Variants in INVS observed in about 807,000 individuals in gnomAD.
INVS encodes inversin.
Under a neutral mutation model 108.8 loss-of-function variants are expected in INVS, and 86 were observed. The ratio of observed to expected loss-of-function variants is 0.79; its 90% CI spans 0.66 to 0.95. INVS has a LOEUF of 0.95. Ranked by LOEUF, INVS falls within the 40% of genes least tolerant of loss-of-function variation. The probability of loss-of-function intolerance (pLI) is 0.00; values close to 1 mark genes in which losing one functional copy is unlikely to be tolerated. For synonymous variants in INVS, 455 were observed against 473.5 expected (o/e 0.96, Z 0.51); for missense variants, 1,169 against 1,297.4 (o/e 0.90, Z 1.52).
chr9:100,258,573 T>C (rs1401273487), intron 10 of INVS, among the ~76,000 whole-genome samples: 1 of 152,214 alleles, frequency 6.6e-6, no homozygotes, highest in Non-Finnish European at 1.5e-5. Flanking sequence ...TCTTTGATGA[T>C]GGTGATGTAC....
rs1263566009 is a variant in INVS at position 100,301,041 on chromosome 9, GCTT to G, written c.*371_*373del. 2 of 301,736 alleles carry G rather than the reference GCTT, an allele frequency of 6.6e-6. No homozygotes were observed. Among genetic ancestry groups the G allele is most frequent in the African/African-American group, 4.4e-5 (2 of 45,786 alleles). The allele number at this position is 301,736 out of a possible 1,614,324, so 18.7% of individuals were successfully genotyped here. A position where few individuals can be genotyped will look rare whatever the true frequency, so the allele number is the denominator to read the frequency against. ...GATTTCTGCCAGCTAGCTGGTACTG[GCTT>G]CTTGTTTCAAGAGATGAACCTAAAT... On this transcript the variant is annotated 3_prime_UTR_variant, in exon 17 of 17. Transcript: ENST00000262457.
At chr9:100,224,744 T>C (rs748296649) in intron 3 of INVS, among the ~76,000 whole-genome samples, 1 of 151,620 alleles carries the variant, frequency 6.6e-6, no homozygotes, top group Non-Finnish European at 1.5e-5. Context: ...GCCTCCCGAG[T>C]AACTGGGATT....
At chr9:100,242,767 A>ATTTCC in intron 7 of INVS, 88 bp downstream of exon 7, 2 of 790,420 alleles carry the variant, frequency 2.5e-6, no homozygotes, top group Non-Finnish European at 4.5e-6. Flanking sequence ...GTAGGAAATA[A>ATTTCC]TACAACAAGA....
At chr9:100,175,338 A>G (rs955286199) in intron 3 of INVS, 9 of 740,654 alleles carry the variant, frequency 1.2e-5, no homozygotes, top group African/African-American at 6.9e-5. Context: ...GGACAGCTCT[A>G]ATTCTTTCAC....
intron 6 of INVS, among the ~76,000 whole-genome samples, chr9:100,241,871 A>G (rs189063753): frequency 6.6e-6 from 1 of 152,320 alleles, no homozygotes; most frequent in East Asian, 1.9e-4. Flanking sequence ...AATAGAGTGT[A>G]TGAAATTTCA....
At chr9:100,185,972 A>G (rs1220833191) in intron 3 of INVS, among the ~76,000 whole-genome samples, 1 of 152,114 alleles carries the variant, frequency 6.6e-6, no homozygotes, top group African/African-American at 2.4e-5. Context: ...GGTTGATTCC[A>G]TATCTTTGCA....
Position 100,173,654 on chromosome 9 carries a change from G to A in INVS, c.273+47105G>A, listed in dbSNP as rs535760572. On this transcript the variant is annotated intron_variant, in intron 3 of 16. Transcript: ENST00000262457. ...TGAGACAGGAGAATCGCTTGAACCC[G>A]GGAGGCAGAGGTTGCGGTGAGCCAA... Among the ~76,000 whole-genome samples, 252 of 152,266 alleles carry A rather than the reference G, an allele frequency of 1.7e-3. 1 individual carries two copies. The highest frequency in any genetic ancestry group is 5.6e-3 in the African/African-American group (234 of 41,564).
intron 1 of INVS, among the ~76,000 whole-genome samples, chr9:100,103,027 A>G (rs1396151776): frequency 2.4e-4 from 36 of 151,992 alleles, no homozygotes; most frequent in Admixed American, 2.4e-3. Context: ...TAATTTTTGT[A>G]TTTTTAGTAG....
chr9:100,224,948 C>G (rs1831265508), intron 3 of INVS, among the ~76,000 whole-genome samples: 1 of 151,892 alleles, frequency 6.6e-6, no homozygotes, highest in Admixed American at 6.6e-5. Context: ...TTCTACCAGA[C>G]TGGAGGATTT....
intron 14 of INVS, among the ~76,000 whole-genome samples, chr9:100,295,311 C>A (rs551974225): frequency 6.6e-6 from 1 of 152,276 alleles, no homozygotes; most frequent in African/African-American, 2.4e-5. Context: ...TGCCCACCTG[C>A]GTAGGTAACT....
intron 7 of INVS, among the ~76,000 whole-genome samples, chr9:100,242,945 G>T (rs184756633): frequency 6.6e-6 from 1 of 151,966 alleles, no homozygotes; most frequent in African/African-American, 2.4e-5. Context: ...ATTCAGCTTT[G>T]CCCAGATTTA....
At chr9:100,198,355 C>T (rs1475635695) in intron 3 of INVS, among the ~76,000 whole-genome samples, 3 of 128,042 alleles carry the variant, frequency 2.3e-5, no homozygotes, top group Admixed American at 9.2e-5. Context: ...TGGAGTGCAA[C>T]GGTGCGATCT....
At chr9:100,099,655 G>A (rs1165267557) in intron 1 of INVS, among the ~76,000 whole-genome samples, 1 of 152,240 alleles carries the variant, frequency 6.6e-6, no homozygotes, top group Admixed American at 6.5e-5. Flanking sequence ...GAGGGCTCCT[G>A]TAAGGAGTAG....
chr9:100,292,701 G>A lies in INVS; in HGVS notation c.2444G>A (p.Arg815Gln), dbSNP rs200477298. ...GGTTCTAGCCGCCCTGGCAGTGCCC[G>A]GGGGGAGGCGGTCCATGCTGGGCAG... ...PAGSSRPGSA[R>Q]GEAVHAGQNP... The change falls in exon 14 of 17, where the codon CGG becomes CAG. Residue 815 changes from arginine to glutamine, a missense_variant. Coordinates refer to ENST00000262457, the MANE Select transcript of INVS (RefSeq NM_014425.5). 7.8e-5 allele frequency: 125 copies of A among 1,612,584 alleles called. No homozygotes were observed. The highest frequency in any genetic ancestry group is 1.1e-4 in the East Asian group (5 of 44,874).
intron 5 of INVS, among the ~76,000 whole-genome samples, chr9:100,239,304 A>G (rs529211455): frequency 2.6e-5 from 4 of 152,238 alleles, no homozygotes; most frequent in Non-Finnish European, 4.4e-5. Context: ...TAATTGAACT[A>G]TTACCAACAT....
intron 3 of INVS, among the ~76,000 whole-genome samples, chr9:100,197,882 G>C (rs1365790178): frequency 1.3e-5 from 2 of 152,134 alleles, no homozygotes; most frequent in African/African-American, 4.8e-5. Context: ...TAGTTTCTAA[G>C]GGCCTGCCTT....
Position 100,301,955 on chromosome 9 carries a change from T to C in INVS, c.*1281T>C, listed in dbSNP as rs1483732732. ...CTATTTTGTAAATATTTAGCTCCTATGAAATGCACAATGCACAACCGCCTA... is the reference window on the plus strand; with the variant it reads ...CTATTTTGTAAATATTTAGCTCCTACGAAATGCACAATGCACAACCGCCTA... On this transcript the variant is annotated 3_prime_UTR_variant, in exon 17 of 17. Transcript: ENST00000262457. 2.3e-5 allele frequency: 8 copies of C among 355,460 alleles called. No homozygotes were observed. Among genetic ancestry groups the C allele is most frequent in the Admixed American group, 8.7e-5 (2 of 22,872 alleles). 22.0% of individuals were successfully genotyped at this position (355,460 alleles called of 1,614,324 possible). A position where few individuals can be genotyped will look rare whatever the true frequency, so the allele number is the denominator to read the frequency against.
At chr9:100,175,973 C>T in intron 3 of INVS, 1 of 559,608 alleles carries the variant, frequency 1.8e-6, no homozygotes, top group Non-Finnish European at 3.5e-6. Context: ...TGGAATACAG[C>T]AGACCACTAG....
At chr9:100,175,962 A>G (rs977069594) in intron 3 of INVS, 21 of 565,164 alleles carry the variant, frequency 3.7e-5, no homozygotes, top group East Asian at 1.3e-4. Context: ...GAAAGCTACA[A>G]TGGAATACAG....
Sources: gnomAD v4.1 joint callset for allele counts (sites outside exome capture counted in the v4.1 genomes callset) on GRCh38, gnomAD v4.1.1 for gene constraint, MANE v1.5 for transcripts, NCBI Gene and HGNC (gene_info 2026-07-23, HGNC 2026-07-21) for gene names.